USP34: variants seen among roughly 807,000 people sequenced by gnomAD.
USP34 encodes the protein ubiquitin specific peptidase 34.
USP34 carries 70 observed loss-of-function variants against 460.3 expected under a neutral mutation model. That is an observed-to-expected ratio of 0.15 (90% CI 0.13 to 0.19). The LOEUF (loss-of-function observed/expected upper bound fraction) is 0.19, where lower values mean the gene tolerates loss of function less well. Ranked by LOEUF, USP34 falls within the 10% of genes least tolerant of loss-of-function variation. USP34 has a pLI of 1.00. For missense variants in USP34, 3,985 were observed against 4,236.2 expected, an observed-to-expected ratio of 0.94 and a Z score of 1.65; for synonymous variants, 1,647 against 1,405.3, an observed-to-expected ratio of 1.17 and a Z score of -3.85.
chr2:61,256,982 C>T (rs896854188), intron 46 of USP34, 32 bp from the exon 47 acceptor site: 5 of 1,431,296 alleles, frequency 3.5e-6, no homozygotes, highest in African/African-American at 1.5e-5. Context: ...TTAATAAAAA[C>T]TAGTAAATTA....
intron 1 of USP34, among the ~76,000 whole-genome samples, chr2:61,446,948 T>C (rs1412968633): frequency 6.6e-6 from 1 of 152,098 alleles, no homozygotes; most frequent in African/African-American, 2.4e-5. Context: ...CACATTTCAT[T>C]ACACAGCATC....
intron 3 of USP34, among the ~76,000 whole-genome samples, chr2:61,398,894 G>T (rs1482380335): frequency 6.6e-6 from 1 of 152,116 alleles, no homozygotes; most frequent in Non-Finnish European, 1.5e-5. Context: ...GACAACCGGG[G>T]CCAGAGGTGA....
chr2:61,298,901 T>C (rs1048767298), intron 29 of USP34, among the ~76,000 whole-genome samples: 21 of 152,134 alleles, frequency 1.4e-4, no homozygotes, highest in Admixed American at 3.9e-4. Flanking sequence ...TGCTTTCTTA[T>C]TGAGGAAAAT....
chr2:61,279,993 G>A (rs1405944306), intron 39 of USP34, among the ~76,000 whole-genome samples: 4 of 151,976 alleles, frequency 2.6e-5, no homozygotes, highest in Non-Finnish European at 4.4e-5. Flanking sequence ...TTACATCCAC[G>A]TATCTTACTG....
chr2:61,375,799 A>G (rs1397136541), intron 8 of USP34, among the ~76,000 whole-genome samples: 1 of 150,344 alleles, frequency 6.7e-6, no homozygotes, highest in African/African-American at 2.4e-5. Flanking sequence ...AAAAAAGTAG[A>G]AACAATCCAA....
chr2:61,386,505 C>G (rs1366477083), intron 5 of USP34, among the ~76,000 whole-genome samples: 2 of 152,032 alleles, frequency 1.3e-5, no homozygotes, highest in East Asian at 3.8e-4. Flanking sequence ...AAAACAACAA[C>G]TTTGGCCGGG....
rs1572854201 is a variant in USP34 at position 61,230,752 on chromosome 2, G to C, written c.7114-1119C>G. ...CCAGCTACTTGGAAAGCTGAGGCAG[G>C]AGAATCACTTGAACCCTGGAGGCGG... On this transcript the variant is annotated intron_variant, in intron 58 of 79. Coordinates refer to ENST00000398571, the MANE Select transcript of USP34 (RefSeq NM_014709.4). Among the ~76,000 whole-genome samples the C allele has an allele frequency of 2.6e-5, 4 of 151,250 alleles. No homozygotes were observed. The South Asian group carries it at 8.3e-4, about 31-fold the overall frequency.
chr2:61,394,592 T>C (rs1693459233), intron 5 of USP34, among the ~76,000 whole-genome samples: 1 of 151,438 alleles, frequency 6.6e-6, no homozygotes. Context: ...AAAAGTTTTA[T>C]GCAGTCACCT....
In USP34 at chr2:61,350,631, G is replaced by A. The variant is rs558937922; in HGVS notation, c.1314C>T (p.Pro438=). ...LFPSLIKNLD[P]VPLRHLLNLV... ...GATTAAGTAGATGTCTAAGTGGTAC[G>A]GGATCCAAATTCTTGATGAGTGAAG... Residue 438 remains proline, a synonymous_variant, in exon 11 of 80, where the codon CCC becomes CCT. Coordinates refer to ENST00000398571, the MANE Select transcript of USP34 (RefSeq NM_014709.4). The A allele has an allele frequency of 2.2e-5, 36 of 1,613,726 alleles. No individual in the cohort carries two copies. The highest frequency in any genetic ancestry group is 1.3e-4 in the East Asian group (6 of 44,830).
In USP34 at chr2:61,228,332, A is replaced by C. The variant is rs189101212; in HGVS notation, c.7443+313T>G. The stretch of plus-strand genomic sequence containing the variant: ...TAAACTTAATAGCAAAGAACTTAAA[A>C]ATGTGACCAGCAAAATGTTCACAAA... On this transcript the variant is annotated intron_variant, in intron 61 of 79. Transcript: ENST00000398571. Among the ~76,000 whole-genome samples the C allele has an allele frequency of 3.1e-3, 467 of 152,342 alleles. 1 individual carries two copies. Among genetic ancestry groups the C allele is most frequent in the Non-Finnish European group, 5.1e-3 (349 of 68,028 alleles).
At chr2:61,396,697 C>T (rs190794267) in intron 3 of USP34, among the ~76,000 whole-genome samples, 2 of 152,046 alleles carry the variant, frequency 1.3e-5, no homozygotes, top group South Asian at 2.1e-4. Flanking sequence ...ACCGTGTTAG[C>T]CAGGATGGTC....
intron 5 of USP34, among the ~76,000 whole-genome samples, chr2:61,392,153 A>T (rs899439339): frequency 6.6e-6 from 1 of 152,168 alleles, no homozygotes; most frequent in Non-Finnish European, 1.5e-5. Context: ...GCAACAGCGT[A>T]ACCCCATCTC....
At chr2:61,384,303 G>C (rs1319580550) in intron 5 of USP34, among the ~76,000 whole-genome samples, 2 of 152,062 alleles carry the variant, frequency 1.3e-5, no homozygotes, top group Admixed American at 6.6e-5. Flanking sequence ...AAAATAGTAA[G>C]AATAAAAATC....
chr2:61,375,768 C>CAAAAAAAAAAAAAAAAAAAAA (rs56304309), intron 8 of USP34, among the ~76,000 whole-genome samples: 4 of 80,872 alleles, frequency 4.9e-5, no homozygotes, highest in East Asian at 4.1e-4. Context: ...GACTCTGTCT[C>CAAAAAAAAAAAAAAAAAAAAA]AAAAAAAAAA....
At chr2:61,277,236 C>A (rs1689397776) in intron 41 of USP34, among the ~76,000 whole-genome samples, 1 of 137,458 alleles carries the variant, frequency 7.3e-6, no homozygotes, top group Non-Finnish European at 1.6e-5. Flanking sequence ...ATATAGGTTA[C>A]CTTTTTTTTT....
chr2:61,350,739 A>T (rs1199249722), intron 10 of USP34, 46 bp from the exon 11 acceptor site: 3 of 1,580,838 alleles, frequency 1.9e-6, no homozygotes, highest in Non-Finnish European at 1.7e-6. Flanking sequence ...ATTGCCCAAT[A>T]CATGTAGATT....
intron 5 of USP34, among the ~76,000 whole-genome samples, chr2:61,392,531 G>A (rs545321326): frequency 6.6e-6 from 1 of 152,230 alleles, no homozygotes; most frequent in Admixed American, 6.5e-5. Context: ...GGCTGAGGCA[G>A]GACAACTGCT....
intron 75 of USP34, among the ~76,000 whole-genome samples, chr2:61,196,461 G>C (rs563794423): frequency 8.8e-4 from 134 of 152,138 alleles, no homozygotes; most frequent in African/African-American, 3.0e-3. Context: ...GTGAGCTCAA[G>C]TGATCCGCCT....
intron 8 of USP34, among the ~76,000 whole-genome samples, chr2:61,374,888 G>A (rs1342173130): frequency 6.6e-6 from 1 of 152,014 alleles, no homozygotes; most frequent in Admixed American, 6.6e-5. Flanking sequence ...CAATAATAGA[G>A]AAGAACTAGG....
Sources: gnomAD v4.1 joint callset for allele counts (sites outside exome capture counted in the v4.1 genomes callset) on GRCh38, gnomAD v4.1.1 for gene constraint, MANE v1.5 for transcripts, NCBI Gene and HGNC (gene_info 2026-07-23, HGNC 2026-07-21) for gene names.